The following TRIM44 variants were observed in gnomAD, a reference collection of about 807,000 sequenced individuals.
TRIM44 encodes the protein tripartite motif containing 44.
TRIM44 carries 13 observed loss-of-function variants against 37.4 expected under a neutral mutation model. That is an observed-to-expected ratio of 0.35 (90% CI 0.23 to 0.55). The LOEUF (loss-of-function observed/expected upper bound fraction) is 0.55. TRIM44 is among the 20% of genes least tolerant of loss of function. The probability of loss-of-function intolerance (pLI) is 0.89; values close to 1 mark genes in which losing one functional copy is unlikely to be tolerated. For missense variants in TRIM44, 426 were observed against 437.2 expected, an observed-to-expected ratio of 0.97 and a Z score of 0.23; for synonymous variants, 175 against 157.2, an observed-to-expected ratio of 1.11 and a Z score of -0.85.
chr11:35,686,270 T>C (rs1387554293), intron 2 of TRIM44, among the ~76,000 whole-genome samples: 1 of 152,034 alleles, frequency 6.6e-6, no homozygotes, highest in Non-Finnish European at 1.5e-5. Flanking sequence ...CACTACCTGG[T>C]ATTGGGGCCA....
intron 3 of TRIM44, among the ~76,000 whole-genome samples, chr11:35,733,617 A>T (rs148604785): frequency 6.6e-6 from 1 of 152,062 alleles, no homozygotes; most frequent in African/African-American, 2.4e-5. Flanking sequence ...ACTATTGCAG[A>T]TCTTTAACAG....
chr11:35,668,832 G>A (rs1841122348), intron 1 of TRIM44, among the ~76,000 whole-genome samples: 1 of 151,980 alleles, frequency 6.6e-6, no homozygotes, highest in South Asian at 2.1e-4. Context: ...TTTTTTCTTA[G>A]GTCAGTTTTG....
In TRIM44 at chr11:35,809,155, A is replaced by G. The variant is rs1453232426; in HGVS notation, c.*2770A>G. The G allele has an allele frequency of 2.0e-5, 3 of 152,340 alleles. No homozygotes were observed. Among genetic ancestry groups the G allele is most frequent in the Non-Finnish European group, 4.4e-5 (3 of 68,036 alleles). The allele number at this position is 152,340 out of a possible 1,614,324, so 9.4% of individuals were successfully genotyped here. On this transcript the variant is annotated 3_prime_UTR_variant, in exon 5 of 5. Coordinates refer to ENST00000299413, the MANE Select transcript of TRIM44 (RefSeq NM_017583.6). ...CTTGGAGTCTCGGCTCTGACAGCCCAAGAAGGGAAATAACTTGTATTAAGG... is the reference window on the plus strand; with the variant it reads ...CTTGGAGTCTCGGCTCTGACAGCCCGAGAAGGGAAATAACTTGTATTAAGG...
chr11:35,776,236 G>T (rs1411137692), intron 4 of TRIM44, among the ~76,000 whole-genome samples: 1 of 152,094 alleles, frequency 6.6e-6, no homozygotes, highest in Non-Finnish European at 1.5e-5. Flanking sequence ...AGATTTTCTA[G>T]TTATTTGCGT....
At chr11:35,679,831 C>A (rs78405809) in intron 1 of TRIM44, among the ~76,000 whole-genome samples, 3,605 of 152,262 alleles carry the variant, frequency 0.024, 74 homozygotes, top group South Asian at 0.13. Flanking sequence ...AGCTTTTGAT[C>A]TGGTCCATCT....
chr11:35,753,232 A>G (rs1852580777), intron 4 of TRIM44, among the ~76,000 whole-genome samples: 1 of 152,202 alleles, frequency 6.6e-6, no homozygotes, highest in African/African-American at 2.4e-5. Flanking sequence ...GCAAATGTAT[A>G]TGAGTCTTTT....
At chr11:35,764,037 A>G (rs763024755) in intron 4 of TRIM44, among the ~76,000 whole-genome samples, 7 of 152,280 alleles carry the variant, frequency 4.6e-5, no homozygotes, top group Admixed American at 6.5e-5. Context: ...CTATTCCCAC[A>G]TATCCACAGA....
chr11:35,795,237 C>T (rs1590606682), intron 4 of TRIM44, among the ~76,000 whole-genome samples: 1 of 152,016 alleles, frequency 6.6e-6, no homozygotes, highest in African/African-American at 2.4e-5. Flanking sequence ...GGACTTTATT[C>T]TAGGGGTTAT....
rs868474735 is a variant in TRIM44 at position 35,796,682 on chromosome 11, T to C, written c.1008-9676T>C. 2.0e-5 allele frequency among the ~76,000 whole-genome samples: 3 copies of C among 152,130 alleles called. No individual in the cohort carries two copies. The South Asian group carries it at 6.2e-4, about 32-fold the overall frequency. On this transcript the variant is annotated intron_variant, in intron 4 of 4. Coordinates refer to ENST00000299413, the MANE Select transcript of TRIM44 (RefSeq NM_017583.6). ...CCTCATCACAGGAGATCGCCAGTGA[T>C]AGAAAATCCAGCAGCACTGGGGGGA...
intron 4 of TRIM44, among the ~76,000 whole-genome samples, chr11:35,779,090 C>G (rs1363577867): frequency 2.0e-5 from 3 of 152,224 alleles, no homozygotes; most frequent in African/African-American, 7.2e-5. Context: ...GCAGTGGGCT[C>G]TACCCAGTTC....
chr11:35,692,854 CA>C (rs1431815813), intron 2 of TRIM44, among the ~76,000 whole-genome samples: 8 of 150,450 alleles, frequency 5.3e-5, no homozygotes, highest in African/African-American at 2.0e-4. Context: ...ACCCAGGAGG[CA>C]GAGCTTGCAG....
chr11:35,762,420 G>C (rs925803136), intron 4 of TRIM44, among the ~76,000 whole-genome samples: 1 of 152,108 alleles, frequency 6.6e-6, no homozygotes, highest in Admixed American at 6.6e-5. Context: ...GGTGAAGAAT[G>C]CTCACTCCAG....
At chr11:35,754,615 A>C (rs1397524394) in intron 4 of TRIM44, among the ~76,000 whole-genome samples, 1 of 151,684 alleles carries the variant, frequency 6.6e-6, no homozygotes, top group Admixed American at 6.6e-5. Flanking sequence ...GTAACTCATC[A>C]TTTAACATTA....
At chr11:35,787,689 G>A (rs1853148055) in intron 4 of TRIM44, among the ~76,000 whole-genome samples, 1 of 152,192 alleles carries the variant, frequency 6.6e-6, no homozygotes, top group African/African-American at 2.4e-5. Context: ...GTCTAGAGGA[G>A]GAAAAGCCAA....
chr11:35,739,543 C>T (rs889327891), intron 4 of TRIM44, among the ~76,000 whole-genome samples: 1 of 152,136 alleles, frequency 6.6e-6, no homozygotes, highest in African/African-American at 2.4e-5. Flanking sequence ...TGCTGTGGCC[C>T]CTGTTTTCTG....
intron 1 of TRIM44, among the ~76,000 whole-genome samples, chr11:35,684,384 G>A (rs1295606389): frequency 1.3e-5 from 2 of 151,944 alleles, no homozygotes; most frequent in South Asian, 2.1e-4. Context: ...ATATACATAC[G>A]CTTGCATTTG....
intron 4 of TRIM44, among the ~76,000 whole-genome samples, chr11:35,760,687 T>C (rs1286286751): frequency 3.3e-5 from 5 of 152,222 alleles, no homozygotes; most frequent in African/African-American, 1.2e-4. Context: ...ACAGATAAAA[T>C]TGTGTATTTA....
chr11:35,686,397 T>C (rs751051419), intron 2 of TRIM44, among the ~76,000 whole-genome samples: 1 of 150,118 alleles, frequency 6.7e-6, no homozygotes, highest in Non-Finnish European at 1.5e-5. Context: ...TTAAGAGGAA[T>C]GGGACTAGCA....
intron 1 of TRIM44, among the ~76,000 whole-genome samples, chr11:35,670,960 G>GT (rs1242393243): frequency 4.6e-5 from 7 of 152,208 alleles, no homozygotes; most frequent in Non-Finnish European, 1.0e-4. Context: ...GGTTTTAAAT[G>GT]TTTCGAGTGC....
Sources: gnomAD v4.1 joint callset for allele counts (sites outside exome capture counted in the v4.1 genomes callset) on GRCh38, gnomAD v4.1.1 for gene constraint, MANE v1.5 for transcripts, NCBI Gene and HGNC (gene_info 2026-07-23, HGNC 2026-07-21) for gene names.